Variants in L3MBTL1 observed in about 807,000 individuals in gnomAD.
L3MBTL1 encodes the protein L3MBTL histone methyl-lysine binding protein 1.
Under a neutral mutation model 105.3 loss-of-function variants are expected in L3MBTL1, and 75 were observed. The observed-to-expected ratio is 0.71, with a 90% CI of 0.59 to 0.86. The LOEUF (loss-of-function observed/expected upper bound fraction) is 0.86. Among genes scored for constraint, L3MBTL1 ranks in the 40% least tolerant of loss-of-function variants. The pLI is 0.00. For synonymous variants in L3MBTL1, 452 were observed against 436.2 expected, an observed-to-expected ratio of 1.04 and a Z score of -0.45; for missense variants, 1,069 against 1,126.4, an observed-to-expected ratio of 0.95 and a Z score of 0.73.
At chr20:43,538,389 T>G (rs981184691) in intron 19 of L3MBTL1, among the ~76,000 whole-genome samples, 1 of 152,166 alleles carries the variant, frequency 6.6e-6, no homozygotes, top group African/African-American at 2.4e-5. Context: ...CCCAGATCCT[T>G]GAGGCACTTC....
intron 19 of L3MBTL1, among the ~76,000 whole-genome samples, chr20:43,536,703 C>A (rs1174337553): frequency 1.3e-5 from 2 of 152,144 alleles, no homozygotes; most frequent in African/African-American, 4.8e-5. Flanking sequence ...GGGTACAGAG[C>A]TTCTCGGGGC....
At chr20:43,528,094 T>C (rs557151549) in intron 7 of L3MBTL1, among the ~76,000 whole-genome samples, 66 of 152,284 alleles carry the variant, frequency 4.3e-4, no homozygotes, top group Non-Finnish European at 7.9e-4. Context: ...GGTTTCACCA[T>C]GTTGGCCAGG....
At chr20:43,520,174 G>T (rs1600908803) in intron 7 of L3MBTL1, among the ~76,000 whole-genome samples, 1 of 152,114 alleles carries the variant, frequency 6.6e-6, no homozygotes, top group Non-Finnish European at 1.5e-5. Flanking sequence ...TTGTGGTTTT[G>T]TATGCCTGGC....
At position 43,541,031 on chromosome 20, in the gene L3MBTL1, GA is replaced by G. The variant is rs1247822276; in HGVS notation, c.2496del (p.Gly833AlafsTer38). On this transcript the variant is annotated frameshift_variant, in exon 22 of 22. Transcript: ENST00000418998. LOFTEE classifies it low-confidence loss of function (END_TRUNC). The stretch of plus-strand genomic sequence containing the variant: ...GTGTGCTCAGATCATCTTCAGGAAG[GA>G]AAAGGCATCCTGGAGACAGGAGTCC... ...DLVCSDHLQE[G>X]KGILETGVHS... 1 of 1,614,184 alleles carries G rather than the reference GA, an allele frequency of 6.2e-7. No homozygotes were observed. The highest frequency in any genetic ancestry group is 1.1e-5 in the South Asian group (1 of 91,088).
Position 43,532,585 on chromosome 20 carries a change from T to C in L3MBTL1, c.1285-188T>C, listed in dbSNP as rs1404153115. On this transcript the variant is annotated intron_variant, in intron 11 of 21. Transcript: ENST00000418998. ...GTGCACCTTGGAGGCCAGAGGTTCCTGAGTGCCTCAGGGCTCAGGTTATGA... is the reference window on the plus strand; with the variant it reads ...GTGCACCTTGGAGGCCAGAGGTTCCCGAGTGCCTCAGGGCTCAGGTTATGA... 6 of 585,692 alleles carry C rather than the reference T, an allele frequency of 1.0e-5. No homozygotes were observed. In the East Asian group the frequency reaches 1.7e-4, roughly 17 times the overall value. 36.3% of individuals were successfully genotyped at this position (585,692 alleles called of 1,614,324 possible).
chr20:43,545,070 T>C (rs1239798690), downstream of L3MBTL1, among the ~76,000 whole-genome samples: 1 of 152,064 alleles, frequency 6.6e-6, no homozygotes, highest in Non-Finnish European at 1.5e-5. Context: ...GAGATCTCCC[T>C]GGCCAGGCTT....
chr20:43,530,488 T>A (rs2019275777), intron 10 of L3MBTL1, 69 bp downstream of exon 10: 1 of 1,520,536 alleles, frequency 6.6e-7, no homozygotes, highest in Admixed American at 2.1e-5. Context: ...TCCCCTTGGG[T>A]CCCCGGCTTC....
At chr20:43,522,509 T>C (rs1363023959) in intron 7 of L3MBTL1, among the ~76,000 whole-genome samples, 3 of 119,796 alleles carry the variant, frequency 2.5e-5, no homozygotes, top group Non-Finnish European at 4.9e-5. Context: ...TCTGGCTCTA[T>C]CACCCAGGCT....
chr20:43,526,236 A>C (rs2019025617), intron 7 of L3MBTL1, among the ~76,000 whole-genome samples: 1 of 152,172 alleles, frequency 6.6e-6, no homozygotes, highest in Admixed American at 6.5e-5. Flanking sequence ...AGAGTGAGGC[A>C]AAAAGAAGAA....
In L3MBTL1 at chr20:43,534,250, CG is replaced by C. The variant is rs751016886; in HGVS notation, c.1600-33del. 33 of 1,589,380 alleles carry C rather than the reference CG, an allele frequency of 2.1e-5. No individual in the cohort carries two copies. In the South Asian group the frequency reaches 3.7e-4, roughly 18 times the overall value. On this transcript the variant is annotated intron_variant, in intron 14 of 21. Transcript: ENST00000418998. ...TGTGGGGCTCAGCTCTGCTGAGCTGCGCCTTGCCCTGAAGGCAGCTGTCCCC... is the reference window on the plus strand; with the variant it reads ...TGTGGGGCTCAGCTCTGCTGAGCTGCCCTTGCCCTGAAGGCAGCTGTCCCC...
Position 43,535,900 on chromosome 20 carries a change from C to G in L3MBTL1, c.1889C>G (p.Pro630Arg). Residue 630 changes from proline to arginine, a missense_variant, in exon 17 of 22, where the codon CCC becomes CGC. Transcript: ENST00000418998. ...CCCCCTCTCAGCTATAGGAGCCTGC[C>G]CCACACTAGGACCTCCAAATACAGC... ...GCPPLSYRSL[P>R]HTRTSKYSFH... is the part of the protein sequence containing the mutation. The G allele has an allele frequency of 5.0e-6, 8 of 1,613,442 alleles. No individual in the cohort carries two copies. The highest frequency in any genetic ancestry group is 6.8e-6 in the Non-Finnish European group (8 of 1,179,716).
At chr20:43,530,923 C>T (rs2019304390) in intron 11 of L3MBTL1, 34 bp downstream of exon 11, 1 of 1,539,326 alleles carries the variant, frequency 6.5e-7, no homozygotes, top group Non-Finnish European at 8.9e-7. Context: ...GATGTCACTC[C>T]CATGTGCCAG....
intron 18 of L3MBTL1, chr20:43,548,065 C>T: frequency 1.5e-6 from 2 of 1,299,412 alleles, no homozygotes; most frequent in Middle Eastern, 2.2e-4. Context: ...GCCCCGTGAC[C>T]CTTTCCACCT....
At chr20:43,540,624 A>C in intron 20 of L3MBTL1, 129 bp from the exon 21 acceptor site, 2 of 890,488 alleles carry the variant, frequency 2.2e-6, no homozygotes, top group Non-Finnish European at 3.4e-6. Flanking sequence ...TAGAAACCCT[A>C]GGATCCTTTT....
chr20:43,541,047 GA>G lies in L3MBTL1; in HGVS notation c.2509del (p.Thr837GlnfsTer34). The G allele has an allele frequency of 1.2e-6, 2 of 1,614,184 alleles. No homozygotes were observed. Among genetic ancestry groups the G allele is most frequent in the Non-Finnish European group, 1.7e-6 (2 of 1,180,034 alleles). ...HLQEGKGILE[T>X]GVHSLLCSLP... is the part of the protein sequence containing the mutation. ...TTCAGGAAGGAAAAGGCATCCTGGA[GA>G]CAGGAGTCCATTCACTCCTCTGCTC... On this transcript the variant is annotated frameshift_variant, in exon 22 of 22. Transcript: ENST00000418998. LOFTEE classifies it low-confidence loss of function (END_TRUNC).
At chr20:43,539,695 A>T (rs143353865) in intron 19 of L3MBTL1, 129 of 257,296 alleles carry the variant, frequency 5.0e-4, no homozygotes, top group African/African-American at 2.7e-3. Flanking sequence ...AAGCAGAATC[A>T]CCCTGGCTCT....
intron 3 of L3MBTL1, 31 bp downstream of exon 3, chr20:43,514,092 G>A (rs897526697): frequency 1.3e-6 from 2 of 1,507,274 alleles, no homozygotes; most frequent in Non-Finnish European, 1.8e-6. Context: ...GCTAAGCCTC[G>A]TAAACCGCAG....
Position 43,514,447 on chromosome 20 carries a change from G to T in L3MBTL1, c.361-188G>T, listed in dbSNP as rs182487473. Reference sequence around the variant, plus strand: ...CACCCTGGGACTGGACCCCGCAGGTGCTTGGGGGCGTAGCCTGGAGTGAGG... The same window carrying T: ...CACCCTGGGACTGGACCCCGCAGGTTCTTGGGGGCGTAGCCTGGAGTGAGG... On this transcript the variant is annotated intron_variant, in intron 3 of 21. Transcript: ENST00000418998. The T allele has an allele frequency of 9.5e-5, 141 of 1,491,060 alleles. 2 individuals are homozygous for T. The South Asian group carries it at 1.7e-3, about 18-fold the overall frequency. The allele number at this position is 1,491,060 out of a possible 1,614,324, so 92.4% of individuals were successfully genotyped here. A position where few individuals can be genotyped will look rare whatever the true frequency, so the allele number is the denominator to read the frequency against.
Position 43,516,158 on chromosome 20 carries a change from G to A in L3MBTL1, c.843G>A (p.Glu281=), listed in dbSNP as rs1400087400. 3 of 1,613,920 alleles carry A rather than the reference G, an allele frequency of 1.9e-6. No homozygotes were observed. Among genetic ancestry groups the A allele is most frequent in the Non-Finnish European group, 2.5e-6 (3 of 1,179,934 alleles). Reference sequence around the variant, plus strand: ...CTGCTAGCACCCCAGAGAGTGAGGAGTGGAGCAGCAGCCAGCCTGGTACGG... The same window carrying A: ...CTGCTAGCACCCCAGAGAGTGAGGAATGGAGCAGCAGCCAGCCTGGTACGG... ...QPTASTPESE[E]WSSSQPATGE... The change falls in exon 7 of 22, where the codon GAG becomes GAA. Residue 281 remains glutamate (E), a synonymous_variant. Coordinates refer to ENST00000418998, the MANE Select transcript of L3MBTL1 (RefSeq NM_001377303.1).
Sources: gnomAD v4.1 joint callset for allele counts (sites outside exome capture counted in the v4.1 genomes callset) on GRCh38, gnomAD v4.1.1 for gene constraint, MANE v1.5 for transcripts, NCBI Gene and HGNC (gene_info 2026-07-23, HGNC 2026-07-21) for gene names.